REV3L: variants seen among roughly 807,000 people sequenced by gnomAD.
The protein encoded by REV3L is REV3 like, DNA directed polymerase zeta catalytic subunit.
A neutral mutation model predicts 299.4 loss-of-function variants in REV3L; 69 were observed. The ratio of observed to expected loss-of-function variants is 0.23; its 90% CI spans 0.19 to 0.28. REV3L has a LOEUF of 0.28. Ranked by LOEUF, REV3L falls within the 10% of genes least tolerant of loss-of-function variation. The pLI is 1.00. For missense variants in REV3L, 3,128 were observed against 3,693.8 expected (o/e 0.85, Z 3.97); for synonymous variants, 1,238 against 1,271.4 (o/e 0.97, Z 0.56).
At chr6:111,343,823 A>G in intron 21 of REV3L, 102 bp downstream of exon 21, 1 of 785,562 alleles carries the variant, frequency 1.3e-6, no homozygotes, top group Non-Finnish European at 1.9e-6. Context: ...AGCCACCGCA[A>G]CTGGCCTGAA....
At chr6:111,417,969 TCA>T (rs1488592590) in intron 1 of REV3L, among the ~76,000 whole-genome samples, 3 of 152,236 alleles carry the variant, frequency 2.0e-5, no homozygotes, top group Non-Finnish European at 4.4e-5. Context: ...TTCCTAAATT[TCA>T]TAGTTTTTCA....
At chr6:111,470,659 T>C (rs1228215872) in intron 1 of REV3L, among the ~76,000 whole-genome samples, 2 of 152,316 alleles carry the variant, frequency 1.3e-5, no homozygotes, top group East Asian at 3.9e-4. Context: ...AATTTGGATA[T>C]CTTTCTAATG....
At chr6:111,345,776 C>CTTTT (rs879786443) in intron 20 of REV3L, among the ~76,000 whole-genome samples, 10 of 145,478 alleles carry the variant, frequency 6.9e-5, no homozygotes, top group African/African-American at 2.5e-4. Flanking sequence ...CTGCTGCCGC[C>CTTTT]TTTTTTTTTT....
In REV3L at chr6:111,430,513, A is replaced by T. The variant is rs550729646; in HGVS notation, c.140-14041T>A. ...AAGAAGCGGTTGCACTCGGGGATGA[A>T]AATTCTTAGACATGAAAGAATTCAG... On this transcript the variant is annotated intron_variant, in intron 1 of 31. Coordinates refer to ENST00000368802, the MANE Select transcript of REV3L (RefSeq NM_001372078.1). The T allele has an allele frequency of 4.2e-5, 65 of 1,559,764 alleles. 2 individuals carry two copies. In the South Asian group the frequency reaches 7.1e-4, roughly 17 times the overall value.
In REV3L at chr6:111,338,312, CTTTTTTTTTTTTTTTTTT is replaced by C. The variant is rs144497761; in HGVS notation, c.7539-2720_7539-2703del. Among the ~76,000 whole-genome samples, 363 of 47,940 alleles carry C rather than the reference CTTTTTTTTTTTTTTTTTT, an allele frequency of 7.6e-3. 2 individuals carry two copies. Among genetic ancestry groups the C allele is most frequent in the African/African-American group, 0.043 (329 of 7,718 alleles). The allele number at this position is 47,940 out of a possible 152,430, so 31.5% of individuals were successfully genotyped here. ...TCTTTGTTTACTCCAGTCTAAAGTCCTTTTTTTTTTTTTTTTTTTTTTTTTTTTTTTTTTTTTTTTAAA... is the reference window on the plus strand; with the variant it reads ...TCTTTGTTTACTCCAGTCTAAAGTCCTTTTTTTTTTTTTTTTTTTTTTAAA... On this transcript the variant is annotated intron_variant, in intron 21 of 31. Transcript: ENST00000368802.
intron 30 of REV3L, 125 bp from the exon 31 acceptor site, chr6:111,307,695 G>A: frequency 1.2e-6 from 1 of 835,368 alleles, no homozygotes; most frequent in Non-Finnish European, 1.9e-6. Flanking sequence ...AACAAATGTT[G>A]AGTAGCTACT....
At chr6:111,461,813 G>A (rs1790807544) in intron 1 of REV3L, among the ~76,000 whole-genome samples, 1 of 151,784 alleles carries the variant, frequency 6.6e-6, no homozygotes, top group Admixed American at 6.6e-5. Flanking sequence ...GGAGAGAAAT[G>A]GAATTTTTAA....
chr6:111,464,981 G>A (rs1037464642), intron 1 of REV3L, among the ~76,000 whole-genome samples: 2 of 151,666 alleles, frequency 1.3e-5, no homozygotes, highest in African/African-American at 4.8e-5. Context: ...CAGCCTGGGT[G>A]ACAGAGCAAG....
chr6:111,462,796 TA>T (rs779810838), intron 1 of REV3L, among the ~76,000 whole-genome samples: 8 of 152,020 alleles, frequency 5.3e-5, no homozygotes, highest in Non-Finnish European at 1.0e-4. Context: ...TTATGACGAA[TA>T]AATAGTAAAT....
intron 28 of REV3L, 188 bp downstream of exon 28, chr6:111,313,164 A>G (rs955014469): frequency 2.9e-5 from 14 of 478,374 alleles, no homozygotes; most frequent in African/African-American, 2.6e-4. Flanking sequence ...CCCTGTCTCA[A>G]ACAAACAAAA....
At chr6:111,309,664 A>T in intron 30 of REV3L, 189 bp downstream of exon 30, 1 of 515,714 alleles carries the variant, frequency 1.9e-6, no homozygotes, top group Non-Finnish European at 3.3e-6. Flanking sequence ...GTGGGGGTGG[A>T]GCCCTAGCCA....
intron 2 of REV3L, among the ~76,000 whole-genome samples, chr6:111,415,159 T>A (rs956470949): frequency 1.3e-5 from 2 of 152,178 alleles, no homozygotes; most frequent in African/African-American, 4.8e-5. Flanking sequence ...TGCATAAGAA[T>A]CATCAGAAAG....
rs144928312 is a variant in REV3L, at chr6:111,347,991, G to A, written c.7419+1227C>T. 2.4e-4 allele frequency among the ~76,000 whole-genome samples: 36 copies of A among 152,250 alleles called. 1 individual carries two copies. The highest frequency in any genetic ancestry group is 4.0e-4 in the Non-Finnish European group (27 of 68,006). On this transcript the variant is annotated intron_variant, in intron 20 of 31. Transcript: ENST00000368802. ...CTAACTCGTATTTTTTGGTAGAGACGGGGTTTTGCTGTGTTGCCCAGGCTA... is the reference window on the plus strand; with the variant it reads ...CTAACTCGTATTTTTTGGTAGAGACAGGGTTTTGCTGTGTTGCCCAGGCTA...
intron 13 of REV3L, among the ~76,000 whole-genome samples, chr6:111,368,376 A>C (rs1779439020): frequency 6.6e-6 from 1 of 152,174 alleles, no homozygotes; most frequent in East Asian, 1.9e-4. Flanking sequence ...ATTTTCCATT[A>C]TTACCACATA....
intron 25 of REV3L, among the ~76,000 whole-genome samples, chr6:111,325,426 A>G (rs1428146442): frequency 2.0e-5 from 3 of 152,210 alleles, no homozygotes; most frequent in Admixed American, 1.3e-4. Context: ...TTGCTTACCA[A>G]GTCTTGTCTT....
chr6:111,391,848 G>T lies in REV3L; in HGVS notation c.662+1028C>A, dbSNP rs372599599. ...ACAAAAATTTTTAAAAACTAGCCAG[G>T]CATGGTGTTGCACACCTATAGTCCT... On this transcript the variant is annotated intron_variant, in intron 5 of 31. Transcript: ENST00000368802. Among the ~76,000 whole-genome samples, 31 of 152,300 alleles carry T rather than the reference G, an allele frequency of 2.0e-4. No individual in the cohort carries two copies. The South Asian group carries it at 6.0e-3, about 30-fold the overall frequency.
At chr6:111,313,588 T>C in intron 27 of REV3L, 99 bp from the exon 28 acceptor site, 1 of 1,246,040 alleles carries the variant, frequency 8.0e-7, no homozygotes, top group Non-Finnish European at 1.1e-6. Flanking sequence ...AAGTATCAAT[T>C]ATTTAAAAAA....
chr6:111,408,253 GCTTTATTCCAGTGGTTCTCAAA>G (rs1490540891), intron 3 of REV3L, among the ~76,000 whole-genome samples: 2 of 152,068 alleles, frequency 1.3e-5, no homozygotes, highest in Non-Finnish European at 2.9e-5. Context: ...CCTTAAGAGA[GCTTTATTCCAGTGGTTCTCAAA>G]CTTTTTGGCC....
At chr6:111,384,772 T>C (rs1251349903) in intron 9 of REV3L, among the ~76,000 whole-genome samples, 2 of 152,156 alleles carry the variant, frequency 1.3e-5, no homozygotes, top group Non-Finnish European at 2.9e-5. Flanking sequence ...GAAATTGGTA[T>C]GTCGAGTTGA....
Sources: gnomAD v4.1 joint callset for allele counts (sites outside exome capture counted in the v4.1 genomes callset) on GRCh38, gnomAD v4.1.1 for gene constraint, MANE v1.5 for transcripts, NCBI Gene and HGNC (gene_info 2026-07-23, HGNC 2026-07-21) for gene names.